PKN2: variants seen among roughly 807,000 people sequenced by gnomAD.
The protein encoded by PKN2 is serine/threonine-protein kinase N2.
In PKN2, 38 loss-of-function variants were observed where a neutral mutation model predicts 119.1. The observed-to-expected ratio is 0.32, with a 90% CI of 0.25 to 0.42. The LOEUF is 0.42. Ranked by LOEUF, PKN2 falls within the 10% of genes least tolerant of loss-of-function variation. The pLI is 1.00. For synonymous variants in PKN2, 390 were observed against 384.9 expected, an observed-to-expected ratio of 1.01 and a Z score of -0.15; for missense variants, 850 against 1,165.1, an observed-to-expected ratio of 0.73 and a Z score of 3.94.
rs770448851 is a variant in PKN2, at chr1:88,771,730, T to G, written c.836T>G (p.Leu279Ter). Residue 279 changes from leucine (L) to a stop codon, truncating the protein, a stop_gained, in exon 6 of 22, where the codon TTA becomes TGA. Coordinates refer to ENST00000370521, the MANE Select transcript of PKN2 (RefSeq NM_006256.4). LOFTEE classifies it high-confidence loss of function. ...TTAAAGTATTCATTAGAGCAAAGAT[T>G]AAACGAAGTCCCCAAGAATCATCCC... Reference protein sequence around the residue: ...DLLKYSLEQRLNEVPKNHPKS... With the variant: ...DLLKYSLEQR The G allele has an allele frequency of 6.2e-7, 1 of 1,613,972 alleles. No homozygotes were observed. The highest frequency in any genetic ancestry group is 8.5e-7 in the Non-Finnish European group (1 of 1,179,924).
intron 1 of PKN2, among the ~76,000 whole-genome samples, chr1:88,727,355 G>A (rs1213195986): frequency 6.6e-6 from 1 of 152,076 alleles, no homozygotes; most frequent in Admixed American, 6.5e-5. Context: ...TGTTTTTTAA[G>A]AGATGGGGTC....
chr1:88,797,906 A>G (rs1201630884), intron 8 of PKN2, among the ~76,000 whole-genome samples: 2 of 152,114 alleles, frequency 1.3e-5, no homozygotes, highest in Non-Finnish European at 2.9e-5. Flanking sequence ...ACATGGGAGA[A>G]TGGTTTGAGA....
At position 88,684,466 on chromosome 1, in the gene PKN2, T is replaced by G; in HGVS notation, c.-115T>G. The G allele has an allele frequency of 4.7e-6, 4 of 851,658 alleles. No individual in the cohort carries two copies. Among genetic ancestry groups the G allele is most frequent in the Non-Finnish European group, 5.2e-6 (3 of 571,996 alleles). 52.8% of individuals were successfully genotyped at this position (851,658 alleles called of 1,614,324 possible). The stretch of plus-strand genomic sequence containing the variant: ...GGCTGCGCCTCCATGAATCCCTAGT[T>G]GTTTTTTTTTTTTTCTTTCTCTCCC... On this transcript the variant is annotated 5_prime_UTR_variant, in exon 1 of 22. Coordinates refer to ENST00000370521, the MANE Select transcript of PKN2 (RefSeq NM_006256.4).
At chr1:88,777,954 C>G (rs904299437) in intron 6 of PKN2, among the ~76,000 whole-genome samples, 7 of 152,266 alleles carry the variant, frequency 4.6e-5, no homozygotes, top group African/African-American at 1.4e-4. Context: ...CTCCACAACC[C>G]CTTATCTTAA....
At chr1:88,767,865 T>C (rs1669727626) in intron 3 of PKN2, among the ~76,000 whole-genome samples, 1 of 152,238 alleles carries the variant, frequency 6.6e-6, no homozygotes, top group South Asian at 2.1e-4. Context: ...ATCTCTTTCT[T>C]CTTTATTCAG....
intron 8 of PKN2, among the ~76,000 whole-genome samples, chr1:88,790,214 T>C (rs964572481): frequency 1.3e-5 from 2 of 152,238 alleles, no homozygotes; most frequent in African/African-American, 4.8e-5. Context: ...ATTGGATCAC[T>C]TGAGTCTTGG....
intron 1 of PKN2, among the ~76,000 whole-genome samples, chr1:88,737,134 C>T (rs1367001275): frequency 1.3e-5 from 2 of 152,136 alleles, no homozygotes; most frequent in South Asian, 2.1e-4. Context: ...AATGCTAGCT[C>T]ACACCTGAAA....
At chr1:88,728,476 TTTC>T (rs1308498740) in intron 1 of PKN2, among the ~76,000 whole-genome samples, 2 of 152,202 alleles carry the variant, frequency 1.3e-5, no homozygotes, top group African/African-American at 4.8e-5. Flanking sequence ...ATCTAATGTC[TTTC>T]TTCTCACTAG....
chr1:88,704,642 G>A (rs188249578), intron 1 of PKN2, among the ~76,000 whole-genome samples: 51 of 152,100 alleles, frequency 3.4e-4, no homozygotes, highest in African/African-American at 1.1e-3. Context: ...TTAACCAGGT[G>A]CGGTGTTTTG....
chr1:88,746,814 C>A (rs1040851531), intron 2 of PKN2, among the ~76,000 whole-genome samples: 16 of 152,134 alleles, frequency 1.1e-4, no homozygotes, highest in African/African-American at 3.6e-4. Context: ...CTCCTATGTT[C>A]ATTCCAGCAT....
At chr1:88,706,965 G>A in intron 1 of PKN2, among the ~76,000 whole-genome samples, 1 of 151,814 alleles carries the variant, frequency 6.6e-6, no homozygotes, top group East Asian at 1.9e-4. Flanking sequence ...CTTTATGTTT[G>A]GTCAGATGTT....
chr1:88,713,365 A>G (rs558866762), intron 1 of PKN2, among the ~76,000 whole-genome samples: 14 of 152,284 alleles, frequency 9.2e-5, no homozygotes, highest in African/African-American at 3.1e-4. Flanking sequence ...CTCTTCCACA[A>G]TGGTTGAACT....
intron 8 of PKN2, among the ~76,000 whole-genome samples, chr1:88,803,251 C>A (rs540637972): frequency 2.6e-5 from 4 of 151,964 alleles, no homozygotes; most frequent in Non-Finnish European, 5.9e-5. Flanking sequence ...TATTTTGATT[C>A]TTTTCATGTT....
At chr1:88,770,743 G>A (rs1390270898) in intron 4 of PKN2, among the ~76,000 whole-genome samples, 2 of 151,392 alleles carry the variant, frequency 1.3e-5, no homozygotes, top group East Asian at 1.9e-4. Flanking sequence ...CCGCCACTAC[G>A]CCCGGCTAAT....
At chr1:88,759,917 A>G (rs1669372493) in intron 2 of PKN2, among the ~76,000 whole-genome samples, 1 of 152,186 alleles carries the variant, frequency 6.6e-6, no homozygotes, top group South Asian at 2.1e-4. Flanking sequence ...GCCAAATTCT[A>G]CCAGATGTGC....
At chr1:88,690,342 T>G (rs1327188654) in intron 1 of PKN2, among the ~76,000 whole-genome samples, 1 of 152,246 alleles carries the variant, frequency 6.6e-6, no homozygotes, top group East Asian at 1.9e-4. Flanking sequence ...TAATGTTACT[T>G]TCATACCATA....
At chr1:88,762,396 A>G (rs1669483110) in intron 3 of PKN2, among the ~76,000 whole-genome samples, 1 of 152,338 alleles carries the variant, frequency 6.6e-6, no homozygotes, top group East Asian at 1.9e-4. Context: ...CCTCTGAGAT[A>G]GGCCTGCCAG....
At chr1:88,792,093 A>G (rs1002381946) in intron 8 of PKN2, among the ~76,000 whole-genome samples, 1 of 152,204 alleles carries the variant, frequency 6.6e-6, no homozygotes, top group East Asian at 1.9e-4. Flanking sequence ...TGCTGCTTCC[A>G]GATTCCACCG....
At chr1:88,826,197 T>C (rs1672492163) in intron 18 of PKN2, among the ~76,000 whole-genome samples, 1 of 152,224 alleles carries the variant, frequency 6.6e-6, no homozygotes, top group African/African-American at 2.4e-5. Flanking sequence ...CGTTTTTATG[T>C]TCCCGCTACT....
Sources: allele counts gnomAD v4.1 joint callset (sites outside exome capture counted in the v4.1 genomes callset), GRCh38; gene constraint gnomAD v4.1.1; transcripts MANE v1.5; gene names NCBI Gene and HGNC (gene_info 2026-07-23, HGNC 2026-07-21).